The following CSMD1 variants were observed in gnomAD, a reference collection of about 807,000 sequenced individuals.
CSMD1 encodes the protein CUB and sushi domain-containing protein 1.
Under a neutral mutation model 417.5 loss-of-function variants are expected in CSMD1, and 213 were observed. That is an observed-to-expected ratio of 0.51 (90% CI 0.46 to 0.57). The LOEUF is 0.57. Among genes scored for constraint, CSMD1 ranks in the 20% least tolerant of loss-of-function variants. CSMD1 has a pLI of 0.00. For missense variants in CSMD1, 6,923 were observed against 4,529.7 expected (o/e 1.53, Z -15.17); for synonymous variants, 2,862 against 1,736.8 (o/e 1.65, Z -16.11).
At chr8:4,783,041 A>G (rs953548794) in intron 1 of CSMD1, among the ~76,000 whole-genome samples, 4 of 152,176 alleles carry the variant, frequency 2.6e-5, no homozygotes, top group Admixed American at 2.0e-4. Context: ...CATTAACTCT[A>G]TAAACACTGA....
At chr8:3,602,798 G>C (rs1013696907) in intron 8 of CSMD1, among the ~76,000 whole-genome samples, 3 of 151,654 alleles carry the variant, frequency 2.0e-5, no homozygotes, top group Non-Finnish European at 4.4e-5. Flanking sequence ...TATTCAAATA[G>C]TCCCCGAGAT....
chr8:2,975,636 G>A (rs1408376221), intron 55 of CSMD1, among the ~76,000 whole-genome samples: 2 of 152,178 alleles, frequency 1.3e-5, no homozygotes, highest in Admixed American at 6.5e-5. Context: ...AGTGAGACCT[G>A]AAACAGTGAA....
At chr8:4,755,393 T>A (rs927380564) in intron 1 of CSMD1, among the ~76,000 whole-genome samples, 1 of 152,238 alleles carries the variant, frequency 6.6e-6, no homozygotes, top group East Asian at 1.9e-4. Context: ...TGCTTTCTCC[T>A]GAAATACTTG....
intron 49 of CSMD1, among the ~76,000 whole-genome samples, chr8:3,056,851 G>C (rs1165215179): frequency 6.6e-6 from 1 of 151,716 alleles, no homozygotes; most frequent in African/African-American, 2.4e-5. Context: ...GTATATAGAA[G>C]TATAAATATA....
intron 50 of CSMD1, among the ~76,000 whole-genome samples, chr8:3,031,588 C>G (rs1476016749): frequency 6.6e-6 from 1 of 151,978 alleles, no homozygotes; most frequent in East Asian, 1.9e-4. Context: ...TTTATACAGA[C>G]TAGGTCTAGT....
intron 2 of CSMD1, among the ~76,000 whole-genome samples, chr8:4,433,905 G>C (rs976632965): frequency 6.6e-6 from 1 of 152,080 alleles, no homozygotes. Context: ...ACAAAAGTCA[G>C]GATAAGAACA....
At chr8:3,409,176 T>C (rs970934290) in intron 13 of CSMD1, among the ~76,000 whole-genome samples, 1 of 152,234 alleles carries the variant, frequency 6.6e-6, no homozygotes, top group Non-Finnish European at 1.5e-5. Flanking sequence ...TGACCCTTTC[T>C]GGTAGGAAAC....
At chr8:4,620,143 G>C (rs927091050) in intron 2 of CSMD1, among the ~76,000 whole-genome samples, 1 of 151,698 alleles carries the variant, frequency 6.6e-6, no homozygotes, top group African/African-American at 2.4e-5. Context: ...CCCTTTTTAA[G>C]AGTAGGACTA....
At chr8:4,301,281 G>T (rs1009496061) in intron 3 of CSMD1, among the ~76,000 whole-genome samples, 15 of 152,128 alleles carry the variant, frequency 9.9e-5, no homozygotes, top group African/African-American at 3.4e-4. Context: ...AAGTCAACAA[G>T]CAAAATGCCT....
At chr8:4,652,022 C>G (rs1292855042) in intron 1 of CSMD1, among the ~76,000 whole-genome samples, 1 of 152,172 alleles carries the variant, frequency 6.6e-6, no homozygotes, top group East Asian at 1.9e-4. Context: ...TAAGTCTCAG[C>G]TTTCCTCTAA....
chr8:4,455,574 A>G (rs2129881106), intron 2 of CSMD1, among the ~76,000 whole-genome samples: 1 of 152,202 alleles, frequency 6.6e-6, no homozygotes, highest in African/African-American at 2.4e-5. Context: ...TGCTTGTGAG[A>G]TCAAATTGAC....
chr8:3,018,429 C>T (rs765129806), intron 52 of CSMD1, 48 bp downstream of exon 52: 5 of 1,563,552 alleles, frequency 3.2e-6, no homozygotes, highest in Non-Finnish European at 4.4e-6. Flanking sequence ...TAATCTATTT[C>T]TAAGGTTTAT....
At chr8:3,592,267 ATCTT>A (rs1237277038) in intron 8 of CSMD1, among the ~76,000 whole-genome samples, 2 of 152,162 alleles carry the variant, frequency 1.3e-5, no homozygotes, top group African/African-American at 4.8e-5. Context: ...ACAGATATAT[ATCTT>A]TCTGTGTTAA....
chr8:4,316,618 G>A (rs1020617489), intron 3 of CSMD1, among the ~76,000 whole-genome samples: 1 of 151,994 alleles, frequency 6.6e-6, no homozygotes, highest in Non-Finnish European at 1.5e-5. Flanking sequence ...AGAGACACCC[G>A]TGACAGAAGG....
At chr8:4,253,123 G>T (rs1248636860) in intron 3 of CSMD1, among the ~76,000 whole-genome samples, 1 of 152,192 alleles carries the variant, frequency 6.6e-6, no homozygotes, top group African/African-American at 2.4e-5. Flanking sequence ...GAACTGGATG[G>T]ATATTGAATG....
intron 10 of CSMD1, among the ~76,000 whole-genome samples, chr8:3,502,752 T>G (rs1796659448): frequency 1.3e-5 from 2 of 152,110 alleles, no homozygotes; most frequent in African/African-American, 4.8e-5. Context: ...TTTAGGACAG[T>G]GAAACTCTCT....
At chr8:3,516,693 G>A (rs117529128) in intron 10 of CSMD1, among the ~76,000 whole-genome samples, 1 of 152,124 alleles carries the variant, frequency 6.6e-6, no homozygotes, top group Non-Finnish European at 1.5e-5. Context: ...TTGGTTACAT[G>A]AGAAAGTTCT....
At chr8:3,640,143 A>G (rs1382054646) in intron 7 of CSMD1, among the ~76,000 whole-genome samples, 2 of 152,210 alleles carry the variant, frequency 1.3e-5, no homozygotes, top group African/African-American at 4.8e-5. Context: ...TTTCTTGCGT[A>G]AGACTTCGCT....
At chr8:4,041,255 G>C (rs1249006425) in intron 3 of CSMD1, among the ~76,000 whole-genome samples, 9 of 151,594 alleles carry the variant, frequency 5.9e-5, no homozygotes, top group African/African-American at 2.2e-4. Context: ...CTGACCTCGT[G>C]ATCCGCCCGC....
Sources: gnomAD v4.1 joint callset for allele counts (sites outside exome capture counted in the v4.1 genomes callset) on GRCh38, gnomAD v4.1.1 for gene constraint, MANE v1.5 for transcripts, NCBI Gene and HGNC (gene_info 2026-07-23, HGNC 2026-07-21) for gene names.